Variants in PSAP observed in about 807,000 individuals in gnomAD.
PSAP encodes prosaposin.
PSAP carries 25 observed loss-of-function variants against 66.0 expected under a neutral mutation model. The observed-to-expected ratio is 0.38, with a 90% confidence interval of 0.28 to 0.53. The LOEUF (loss-of-function observed/expected upper bound fraction) is 0.53. PSAP is among the 20% of genes least tolerant of loss of function. The pLI is 0.83. For synonymous variants in PSAP, 273 were observed against 258.9 expected (o/e 1.05, Z -0.52); for missense variants, 649 against 668.8 (o/e 0.97, Z 0.33).
In PSAP at chr10:71,827,994, C is replaced by T. The variant is rs1842426860; in HGVS notation, c.720+20G>A. The T allele has an allele frequency of 6.2e-7, 1 of 1,614,062 alleles. No individual in the cohort carries two copies. Reference sequence around the variant, plus strand: ...TCCCAGGCCCAGAACATCCCCAATGCACAAGGACACAAGGCTCACTATGTC... The same window carrying T: ...TCCCAGGCCCAGAACATCCCCAATGTACAAGGACACAAGGCTCACTATGTC... On this transcript the variant is annotated intron_variant, in intron 6 of 13. Coordinates refer to ENST00000394936, the MANE Select transcript of PSAP (RefSeq NM_002778.4).
At chr10:71,844,558 C>T (rs533639842) in intron 1 of PSAP, among the ~76,000 whole-genome samples, 4 of 152,078 alleles carry the variant, frequency 2.6e-5, no homozygotes, top group African/African-American at 7.2e-5. Context: ...CCCAGCTACT[C>T]GGGAGGCTGA....
intron 1 of PSAP, among the ~76,000 whole-genome samples, chr10:71,839,477 A>G (rs1317055175): frequency 6.6e-6 from 1 of 151,794 alleles, no homozygotes; most frequent in Non-Finnish European, 1.5e-5. Flanking sequence ...TGACCTCGTG[A>G]TCCACCCGCC....
intron 1 of PSAP, among the ~76,000 whole-genome samples, chr10:71,838,044 G>A (rs1842660453): frequency 6.6e-6 from 1 of 152,222 alleles, no homozygotes; most frequent in African/African-American, 2.4e-5. Flanking sequence ...GGGAGGGACA[G>A]GACAGGCAAG....
intron 1 of PSAP, among the ~76,000 whole-genome samples, chr10:71,834,950 A>G (rs1842592401): frequency 6.6e-6 from 1 of 152,206 alleles, no homozygotes; most frequent in South Asian, 2.1e-4. Context: ...TAAAAAAGAA[A>G]AACAGGCTGG....
At chr10:71,832,064 C>T (rs1842532171) in intron 2 of PSAP, 144 bp from the exon 3 acceptor site, 1 of 832,278 alleles carries the variant, frequency 1.2e-6, no homozygotes. Flanking sequence ...TGGTTCTCCA[C>T]CCTGCATGAG....
At chr10:71,847,496 C>A (rs1043170970) in intron 1 of PSAP, among the ~76,000 whole-genome samples, 2 of 151,944 alleles carry the variant, frequency 1.3e-5, no homozygotes, top group Non-Finnish European at 2.9e-5. Flanking sequence ...GGCAGTGAGC[C>A]GAGATCGCGC....
rs1486410213 is a variant in PSAP, at chr10:71,818,611, A to C, written c.1539+6T>G. 40 of 1,611,862 alleles carry C rather than the reference A, an allele frequency of 2.5e-5. No individual in the cohort carries two copies. The highest frequency in any genetic ancestry group is 3.1e-5 in the Non-Finnish European group (37 of 1,178,896). ...GGCTGGTGACACTGTCTGCTGAGCT[A>C]CTCACATTGCACTGGGCTGCTGTCT... On this transcript the variant is annotated splice_donor_region_variant and intron_variant, in intron 13 of 13. Transcript: ENST00000394936.
chr10:71,835,219 A>AGAAT lies in PSAP; in HGVS notation c.41-715_41-714insATTC, dbSNP rs368082951. 6.1e-3 allele frequency among the ~76,000 whole-genome samples: 898 copies of AGAAT among 147,388 alleles called. 1 individual carries two copies. Among genetic ancestry groups the AGAAT allele is most frequent in the Non-Finnish European group, 9.2e-3 (618 of 66,880 alleles). On this transcript the variant is annotated intron_variant, in intron 1 of 13. Coordinates refer to ENST00000394936, the MANE Select transcript of PSAP (RefSeq NM_002778.4). ...GTGACAGAGCGAGACTCCGTTTCAA[A>AGAAT]AAATAAATAAATAAATAAATAAATA...
At chr10:71,831,308 G>A (rs1237758630) in intron 3 of PSAP, 57 bp from the exon 4 acceptor site, 23 of 1,603,026 alleles carry the variant, frequency 1.4e-5, no homozygotes, top group Non-Finnish European at 1.8e-5. Context: ...GGAAATAAAT[G>A]GGCTGAAGGC....
intron 13 of PSAP, 26 bp from the exon 14 acceptor site, chr10:71,817,502 T>A: frequency 6.2e-7 from 1 of 1,613,198 alleles, no homozygotes; most frequent in South Asian, 1.1e-5. Context: ...AAGCTGAGTT[T>A]AGTCTTCGGA....
At chr10:71,844,269 A>G (rs1266529767) in intron 1 of PSAP, among the ~76,000 whole-genome samples, 1 of 152,262 alleles carries the variant, frequency 6.6e-6, no homozygotes, top group Non-Finnish European at 1.5e-5. Flanking sequence ...TATGCCCTAG[A>G]TAAATGTTTT....
intron 1 of PSAP, among the ~76,000 whole-genome samples, chr10:71,845,003 AT>A (rs915977611): frequency 7.9e-5 from 12 of 152,158 alleles, no homozygotes; most frequent in Non-Finnish European, 1.6e-4. Flanking sequence ...TTTATTATAT[AT>A]TGTTTTAATT....
intron 1 of PSAP, among the ~76,000 whole-genome samples, chr10:71,839,637 T>C (rs1053621362): frequency 6.6e-6 from 1 of 152,028 alleles, no homozygotes; most frequent in Admixed American, 6.6e-5. Context: ...GGAGAATCAT[T>C]TTGAGCTCAC....
At position 71,829,003 on chromosome 10, in the gene PSAP, G is replaced by T. The variant is rs757752213; in HGVS notation, c.450C>A (p.His150Gln). 1.3e-5 allele frequency: 21 copies of T among 1,614,124 alleles called. No individual in the cohort carries two copies. Among genetic ancestry groups the T allele is most frequent in the Non-Finnish European group, 1.8e-5 (21 of 1,180,004 alleles). Residue 150 changes from histidine to glutamine, a missense_variant, in exon 5 of 14, where the codon CAC (histidine) becomes CAA (glutamine). His to Gln is a conservative substitution (Grantham distance 24). Transcript: ENST00000394936. ...SLQKHLAELN[H>Q]QKQLESNKIP... ...TCTTATTGGACTCCAGCTGCTTCTGGTGATTCAGCTCTGCTAGGTGCTTCT... is the reference window on the plus strand; with the variant it reads ...TCTTATTGGACTCCAGCTGCTTCTGTTGATTCAGCTCTGCTAGGTGCTTCT...
In PSAP at chr10:71,820,030, A is replaced by T. The variant is rs12769743; in HGVS notation, c.1006-130T>A. 25,807 of 960,710 alleles carry T rather than the reference A, an allele frequency of 0.027. 427 individuals are homozygous for T. The highest frequency in any genetic ancestry group is 0.033 in the Middle Eastern group (110 of 3,342). 59.5% of individuals were successfully genotyped at this position (960,710 alleles called of 1,614,324 possible). Reference sequence around the variant, plus strand: ...CCGTTTCCACCCACAAAAAACTACCAAACTACAAAGCAGGGCAATGGTGTC... The same window carrying T: ...CCGTTTCCACCCACAAAAAACTACCTAACTACAAAGCAGGGCAATGGTGTC... On this transcript the variant is annotated intron_variant, in intron 9 of 13. Transcript: ENST00000394936.
At chr10:71,820,143 G>C (rs952895906) in intron 9 of PSAP, 97 bp downstream of exon 9, 4 of 1,160,092 alleles carry the variant, frequency 3.4e-6, no homozygotes, top group Non-Finnish European at 5.2e-6. Context: ...ACATGTCAAG[G>C]CTGGGCCAAG....
chr10:71,850,289 G>A (rs1445379355), intron 1 of PSAP, among the ~76,000 whole-genome samples: 1 of 152,148 alleles, frequency 6.6e-6, no homozygotes, highest in Non-Finnish European at 1.5e-5. Flanking sequence ...CTACCTGAGA[G>A]CTTCCTCTGC....
At position 71,819,032 on chromosome 10, in the gene PSAP, A is replaced by G; in HGVS notation, c.1430T>C (p.Leu477Ser). 5 of 1,613,852 alleles carry G rather than the reference A, an allele frequency of 3.1e-6. No homozygotes were observed. Among genetic ancestry groups the G allele is most frequent in the Non-Finnish European group, 4.2e-6 (5 of 1,179,772 alleles). Reference sequence around the variant, plus strand: ...ACCACACCACCCAGTGAGGCTCACCAAGCACACGAAGGAAGGATCCATCAC... The same window carrying G: ...ACCACACCACCCAGTGAGGCTCACCGAGCACACGAAGGAAGGATCCATCAC... ...VEVMDPSFVCLKIGACPSAHK... is the reference protein window; with the variant it reads ...VEVMDPSFVCSKIGACPSAHK... Residue 477 changes from leucine to serine, a missense_variant and splice_region_variant, in exon 12 of 14, where the codon TTG becomes TCG. Leu to Ser is a moderately radical substitution (Grantham distance 145, BLOSUM62 -2). Transcript: ENST00000394936.
chr10:71,836,110 A>T (rs1842622712), intron 1 of PSAP, among the ~76,000 whole-genome samples: 4 of 152,200 alleles, frequency 2.6e-5, no homozygotes, highest in Non-Finnish European at 1.5e-5. Flanking sequence ...TGAATTATTC[A>T]TCTGCTGCCC....
Sources: allele counts gnomAD v4.1 joint callset (sites outside exome capture counted in the v4.1 genomes callset), GRCh38; gene constraint gnomAD v4.1.1; transcripts MANE v1.5; gene names NCBI Gene and HGNC (gene_info 2026-07-23, HGNC 2026-07-21).